Variants in FGF14 observed in about 807,000 individuals in gnomAD.
FGF14 encodes the protein fibroblast growth factor homologous factor 4.
A neutral mutation model predicts 25.5 loss-of-function variants in FGF14; 5 were observed. The observed-to-expected ratio is 0.20, with a 90% confidence interval of 0.10 to 0.41. The LOEUF (loss-of-function observed/expected upper bound fraction) is 0.41. FGF14 is among the 10% of genes least tolerant of loss of function. FGF14 has a pLI of 1.00. For synonymous variants in FGF14, 138 were observed against 118.3 expected, an observed-to-expected ratio of 1.17 and a Z score of -1.08; for missense variants, 222 against 320.1, an observed-to-expected ratio of 0.69 and a Z score of 2.34.
chr13:102,070,929 T>TG (rs1309539824), intron 1 of FGF14, among the ~76,000 whole-genome samples: 2 of 148,792 alleles, frequency 1.3e-5, no homozygotes, highest in African/African-American at 5.1e-5. Flanking sequence ...ACTGCAATCT[T>TG]GTTTGCTAGA....
intron 1 of FGF14, among the ~76,000 whole-genome samples, chr13:102,110,610 TA>T (rs1455684540): frequency 2.0e-5 from 3 of 152,204 alleles, no homozygotes; most frequent in South Asian, 4.1e-4. Context: ...AGATATTTTC[TA>T]ACCAGCATTT....
intron 1 of FGF14, among the ~76,000 whole-genome samples, chr13:102,398,115 G>A (rs1297469284): frequency 1.3e-5 from 2 of 151,358 alleles, no homozygotes; most frequent in African/African-American, 2.4e-5. Flanking sequence ...TTATATCCAG[G>A]ACTTTTAAGC....
chr13:102,388,660 T>C (rs939867982), intron 1 of FGF14, among the ~76,000 whole-genome samples: 1 of 152,184 alleles, frequency 6.6e-6, no homozygotes, highest in African/African-American at 2.4e-5. Flanking sequence ...CCCAGAACCA[T>C]CCCTTCATCC....
At chr13:101,777,640 G>T (rs1164272332) in intron 3 of FGF14, among the ~76,000 whole-genome samples, 1 of 152,146 alleles carries the variant, frequency 6.6e-6, no homozygotes, top group South Asian at 2.1e-4. Flanking sequence ...TCTGCTATGT[G>T]CAGGAGAAAG....
intron 3 of FGF14, among the ~76,000 whole-genome samples, chr13:101,863,903 C>T (rs1254009040): frequency 2.0e-5 from 3 of 152,026 alleles, no homozygotes. Flanking sequence ...AAGCTAAGGA[C>T]AGACGGAAAC....
chr13:102,105,689 C>T (rs2044873859), intron 1 of FGF14, among the ~76,000 whole-genome samples: 1 of 152,200 alleles, frequency 6.6e-6, no homozygotes, highest in Non-Finnish European at 1.5e-5. Context: ...AGCTGACACA[C>T]TGTTCTTGTA....
chr13:102,380,047 C>A (rs1296760181), intron 1 of FGF14, among the ~76,000 whole-genome samples: 1 of 152,074 alleles, frequency 6.6e-6, no homozygotes, highest in Non-Finnish European at 1.5e-5. Flanking sequence ...CTGGTTTAAG[C>A]AAAGGTAAAT....
At chr13:102,083,466 A>G (rs781744630) in intron 1 of FGF14, among the ~76,000 whole-genome samples, 1 of 152,024 alleles carries the variant, frequency 6.6e-6, no homozygotes, top group Non-Finnish European at 1.5e-5. Flanking sequence ...CTTACTTTCC[A>G]ACCTGACTCT....
chr13:101,857,114 T>G (rs2044165814), intron 3 of FGF14, among the ~76,000 whole-genome samples: 1 of 152,022 alleles, frequency 6.6e-6, no homozygotes, highest in African/African-American at 2.4e-5. Flanking sequence ...TAAACCAATA[T>G]TCACCAATTT....
At chr13:101,818,953 T>C (rs2140224659) in intron 3 of FGF14, among the ~76,000 whole-genome samples, 2 of 152,306 alleles carry the variant, frequency 1.3e-5, no homozygotes, top group East Asian at 1.9e-4. Context: ...CATTATTTCT[T>C]CTGTTCCCTT....
chr13:102,236,693 G>A (rs1405196738), intron 1 of FGF14, among the ~76,000 whole-genome samples: 2 of 152,122 alleles, frequency 1.3e-5, no homozygotes, highest in African/African-American at 4.8e-5. Flanking sequence ...AATGTGCCTG[G>A]GGTCAAACAA....
intron 3 of FGF14, among the ~76,000 whole-genome samples, chr13:101,805,905 G>A (rs2041168526): frequency 6.6e-6 from 1 of 151,726 alleles, no homozygotes; most frequent in Admixed American, 6.6e-5. Flanking sequence ...AAATTCATCA[G>A]TTTTTATTAG....
At chr13:102,378,021 C>T (rs558757429) in intron 1 of FGF14, among the ~76,000 whole-genome samples, 1 of 152,296 alleles carries the variant, frequency 6.6e-6, no homozygotes, top group Non-Finnish European at 1.5e-5. Flanking sequence ...GAACAAGGCT[C>T]TTACTAGGCC....
At chr13:102,320,440 G>A (rs2056202081) in intron 1 of FGF14, among the ~76,000 whole-genome samples, 1 of 152,180 alleles carries the variant, frequency 6.6e-6, no homozygotes, top group Admixed American at 6.5e-5. Flanking sequence ...CTGCACTGGA[G>A]TTGCCATATG....
intron 3 of FGF14, among the ~76,000 whole-genome samples, chr13:101,785,367 C>T (rs764559175): frequency 3.4e-5 from 5 of 147,260 alleles, no homozygotes; most frequent in African/African-American, 1.2e-4. Flanking sequence ...AAAAAAAAAC[C>T]CAAACCAAAA....
chr13:102,317,989 A>AGTCATGCTT (rs1351272932), intron 1 of FGF14, among the ~76,000 whole-genome samples: 1 of 152,190 alleles, frequency 6.6e-6, no homozygotes, highest in African/African-American at 2.4e-5. Context: ...CATCGGCCCC[A>AGTCATGCTT]GTCATGCTTG....
chr13:102,102,852 C>G (rs182965198), intron 1 of FGF14, among the ~76,000 whole-genome samples: 13 of 152,268 alleles, frequency 8.5e-5, no homozygotes, highest in Non-Finnish European at 2.9e-5. Flanking sequence ...GACTCTGTCT[C>G]TTTAAAATCT....
At chr13:102,011,743 G>A (rs1362376377) in intron 1 of FGF14, among the ~76,000 whole-genome samples, 1 of 152,160 alleles carries the variant, frequency 6.6e-6, no homozygotes, top group Non-Finnish European at 1.5e-5. Context: ...GACCACAGAA[G>A]TGCAAAGTCT....
chr13:102,362,718 G>A (rs1304276579), intron 1 of FGF14, among the ~76,000 whole-genome samples: 1 of 151,976 alleles, frequency 6.6e-6, no homozygotes, highest in African/African-American at 2.4e-5. Context: ...CAGAACCCAC[G>A]GTCCCCACAC....
Sources: gnomAD v4.1 joint callset for allele counts (sites outside exome capture counted in the v4.1 genomes callset) on GRCh38, gnomAD v4.1.1 for gene constraint, MANE v1.5 for transcripts, NCBI Gene and HGNC (gene_info 2026-07-23, HGNC 2026-07-21) for gene names.